The following PROSER1 variants were observed in gnomAD, a reference collection of about 807,000 sequenced individuals.
PROSER1 encodes proline and serine-rich protein 1.
A neutral mutation model predicts 71.8 loss-of-function variants in PROSER1; 36 were observed. The ratio of observed to expected loss-of-function variants is 0.50; its 90% CI spans 0.38 to 0.66. The LOEUF (loss-of-function observed/expected upper bound fraction) is 0.66. Among genes scored for constraint, PROSER1 ranks in the 30% least tolerant of loss-of-function variants. The pLI, the probability that PROSER1 is intolerant of heterozygous loss-of-function variation, is 0.00. For missense variants in PROSER1, 1,107 were observed against 1,135.0 expected, an observed-to-expected ratio of 0.98 and a Z score of 0.35; for synonymous variants, 490 against 452.4, an observed-to-expected ratio of 1.08 and a Z score of -1.06.
intron 1 of PROSER1, among the ~76,000 whole-genome samples, chr13:39,035,453 C>T (rs955491597): frequency 9.2e-5 from 14 of 152,174 alleles, no homozygotes; most frequent in Admixed American, 7.9e-4. Flanking sequence ...GAGAATAGGC[C>T]ACCAGCTATA....
intron 9 of PROSER1, among the ~76,000 whole-genome samples, chr13:39,022,032 CTT>C (rs1357001822): frequency 7.9e-5 from 12 of 152,214 alleles, no homozygotes; most frequent in East Asian, 1.9e-4. Context: ...AAACATGACT[CTT>C]TGTGCACCTC....
At chr13:39,026,438 T>C in intron 5 of PROSER1, 51 bp from the exon 6 acceptor site, 1 of 1,158,634 alleles carries the variant, frequency 8.6e-7, no homozygotes, top group Non-Finnish European at 1.3e-6. Context: ...AAAAGATAAG[T>C]ATTCTGAACA....
intron 7 of PROSER1, 39 bp from the exon 8 acceptor site, chr13:39,023,169 CAAGT>C (rs1418147155): frequency 6.7e-7 from 1 of 1,494,944 alleles, no homozygotes; most frequent in Non-Finnish European, 9.3e-7. Flanking sequence ...AGAAGAAAAT[CAAGT>C]AAGCTGTCTC....
At chr13:39,025,920 C>T (rs1870524281) in intron 6 of PROSER1, among the ~76,000 whole-genome samples, 1 of 152,100 alleles carries the variant, frequency 6.6e-6, no homozygotes, top group Non-Finnish European at 1.5e-5. Context: ...CCTTTATATG[C>T]GATTCCCCAG....
intron 1 of PROSER1, among the ~76,000 whole-genome samples, chr13:39,036,168 C>G (rs898039014): frequency 6.6e-6 from 1 of 152,094 alleles, no homozygotes; most frequent in African/African-American, 2.4e-5. Flanking sequence ...AATTAGCAAA[C>G]CAATATTTTA....
At chr13:39,019,869 C>T (rs1020253194) in intron 9 of PROSER1, among the ~76,000 whole-genome samples, 8 of 151,446 alleles carry the variant, frequency 5.3e-5, no homozygotes, top group Non-Finnish European at 1.0e-4. Flanking sequence ...CAGCTATACA[C>T]AATTTACAAA....
chr13:39,037,909 A>C lies in PROSER1; in HGVS notation c.-667T>G, dbSNP rs1871229862. ...GGGCCGGCGGCTGGGGAGCACCAGGAGCCGGGCGAAGAGGGGCACGGCCTC... is the reference window on the plus strand; with the variant it reads ...GGGCCGGCGGCTGGGGAGCACCAGGCGCCGGGCGAAGAGGGGCACGGCCTC... On this transcript the variant is annotated 5_prime_UTR_variant, in exon 1 of 13. Coordinates refer to ENST00000352251, the MANE Select transcript of PROSER1 (RefSeq NM_025138.5). The C allele has an allele frequency of 6.6e-6, 1 of 152,454 alleles. No individual in the cohort carries two copies. The highest frequency in any genetic ancestry group is 2.1e-4 in the South Asian group (1 of 4,830). 9.4% of individuals were successfully genotyped at this position (152,454 alleles called of 1,614,324 possible). A position where few individuals can be genotyped will look rare whatever the true frequency, so the allele number is the denominator to read the frequency against.
chr13:39,033,917 C>A (rs138112459), intron 2 of PROSER1, among the ~76,000 whole-genome samples: 27 of 152,228 alleles, frequency 1.8e-4, no homozygotes, highest in Non-Finnish European at 3.8e-4. Context: ...TATTTAAAAT[C>A]ATTTTAAAAC....
intron 7 of PROSER1, 131 bp from the exon 8 acceptor site, chr13:39,023,261 G>A: frequency 1.6e-6 from 1 of 621,276 alleles, no homozygotes; most frequent in South Asian, 2.2e-5. Context: ...GGACTACATG[G>A]GACAACAAAT....
At chr13:39,027,965 G>C (rs1283973167) in intron 5 of PROSER1, among the ~76,000 whole-genome samples, 1 of 152,098 alleles carries the variant, frequency 6.6e-6, no homozygotes, top group Non-Finnish European at 1.5e-5. Flanking sequence ...AAGGTACCAA[G>C]GGACCAAGAC....
At chr13:39,026,543 A>C in intron 5 of PROSER1, 156 bp from the exon 6 acceptor site, 1 of 485,454 alleles carries the variant, frequency 2.1e-6, no homozygotes. Flanking sequence ...GAATGTGACC[A>C]AAAGTAATAA....
At chr13:39,034,922 G>A (rs1308945868) in intron 1 of PROSER1, among the ~76,000 whole-genome samples, 2 of 152,158 alleles carry the variant, frequency 1.3e-5, no homozygotes, top group East Asian at 3.8e-4. Context: ...GAGAGAAGTT[G>A]GTGGCTTTGA....
intron 1 of PROSER1, among the ~76,000 whole-genome samples, 176 bp from the exon 2 acceptor site, chr13:39,034,372 C>T (rs1039528267): frequency 6.6e-6 from 1 of 152,166 alleles, no homozygotes; most frequent in Admixed American, 6.5e-5. Flanking sequence ...TCCATCTTTC[C>T]AGGTTCCATA....
Position 39,014,304 on chromosome 13 carries a change from G to A in PROSER1, c.948C>T (p.Phe316=). The part of the protein sequence containing the change: ...MNLLNTVLPV[F]PGQVSSAVHT... ...GAACGGCTGAGGAGACCTGCCCTGG[G>A]AACACAGGAAGGACAGTATTCAGCA... is the stretch of plus-strand genomic sequence containing the variant. The change falls in exon 11 of 13, where the codon TTC becomes TTT. Residue 316 remains phenylalanine (F), a synonymous_variant. Coordinates refer to ENST00000352251, the MANE Select transcript of PROSER1 (RefSeq NM_025138.5). The A allele has an allele frequency of 6.2e-7, 1 of 1,614,146 alleles. No individual in the cohort carries two copies. Among genetic ancestry groups the A allele is most frequent in the Non-Finnish European group, 8.5e-7 (1 of 1,180,020 alleles).
chr13:39,016,543 C>T (rs917163259), intron 10 of PROSER1, among the ~76,000 whole-genome samples: 2 of 152,168 alleles, frequency 1.3e-5, no homozygotes, highest in Non-Finnish European at 2.9e-5. Context: ...AAACAATATG[C>T]TATTCCTGCC....
At chr13:39,014,757 T>G (rs540220417) in intron 10 of PROSER1, among the ~76,000 whole-genome samples, 12 of 152,300 alleles carry the variant, frequency 7.9e-5, no homozygotes, top group African/African-American at 2.9e-4. Context: ...GTTTTTCCGC[T>G]TTTTAAAAAT....
intron 2 of PROSER1, among the ~76,000 whole-genome samples, chr13:39,032,169 T>A (rs1354662542): frequency 6.6e-6 from 1 of 152,048 alleles, no homozygotes; most frequent in Non-Finnish European, 1.5e-5. Context: ...CTAACTTTAG[T>A]CCTAGTAGGT....
In PROSER1 at chr13:39,037,341, G is replaced by T; in HGVS notation, c.-99C>A. The T allele has an allele frequency of 1.1e-6, 1 of 908,026 alleles. No individual in the cohort carries two copies. The highest frequency in any genetic ancestry group is 1.8e-6 in the Non-Finnish European group (1 of 550,114). The allele number at this position is 908,026 out of a possible 1,614,324, so 56.2% of individuals were successfully genotyped here. A position where few individuals can be genotyped will look rare whatever the true frequency, so the allele number is the denominator to read the frequency against. On this transcript the variant is annotated 5_prime_UTR_variant, in exon 1 of 13. Transcript: ENST00000352251. Reference sequence around the variant, plus strand: ...CCGATAGTAAAAAATATTTATAGCTGAGGAGGAAAAAGACTCCACGAGCAA... The same window carrying T: ...CCGATAGTAAAAAATATTTATAGCTTAGGAGGAAAAAGACTCCACGAGCAA...
In PROSER1 at chr13:39,014,336, T is replaced by G. The variant is rs376712233; in HGVS notation, c.916A>C (p.Met306Leu). The G allele has an allele frequency of 6.2e-6, 10 of 1,614,004 alleles. No individual in the cohort carries two copies. Among genetic ancestry groups the G allele is most frequent in the Non-Finnish European group, 7.6e-6 (9 of 1,180,008 alleles). The change falls in exon 11 of 13, where the codon ATG (methionine) becomes CTG (leucine). Residue 306 changes from methionine to leucine, a missense_variant. By Grantham distance (15) the Met-to-Leu change is conservative (BLOSUM62 2). Transcript: ENST00000352251. ...GGAAGGACAGTATTCAGCAGGTTCA[T>G]TCCAGAAACGGTGGCAGCTGCTGAT... ...SASAAATVSG[M>L]NLLNTVLPVF...
Sources: allele counts gnomAD v4.1 joint callset (sites outside exome capture counted in the v4.1 genomes callset), GRCh38; gene constraint gnomAD v4.1.1; transcripts MANE v1.5; gene names NCBI Gene and HGNC (gene_info 2026-07-23, HGNC 2026-07-21).